The following TMEM132C variants were observed in gnomAD, a reference collection of about 807,000 sequenced individuals.
TMEM132C encodes the protein transmembrane protein 132C, also known as protein phosphatase 1, regulatory subunit 152.
TMEM132C carries 29 observed loss-of-function variants against 61.4 expected under a neutral mutation model. That is an observed-to-expected ratio of 0.47 (90% CI 0.35 to 0.64). The LOEUF (loss-of-function observed/expected upper bound fraction) is 0.64, where lower values mean the gene tolerates loss of function less well. Ranked by LOEUF, TMEM132C falls within the 30% of genes least tolerant of loss-of-function variation. The pLI is 0.00. For synonymous variants in TMEM132C, 656 were observed against 633.1 expected, an observed-to-expected ratio of 1.04 and a Z score of -0.54; for missense variants, 1,408 against 1,476.9, an observed-to-expected ratio of 0.95 and a Z score of 0.76.
intron 2 of TMEM132C, among the ~76,000 whole-genome samples, chr12:128,494,061 G>T (rs1302191926): frequency 6.6e-6 from 1 of 152,148 alleles, no homozygotes; most frequent in African/African-American, 2.4e-5. Flanking sequence ...TAGCATGAAG[G>T]GCTGTTGAAT....
At chr12:128,552,246 C>T (rs1874199398) in intron 3 of TMEM132C, among the ~76,000 whole-genome samples, 1 of 152,216 alleles carries the variant, frequency 6.6e-6, no homozygotes, top group South Asian at 2.1e-4. Flanking sequence ...ACATCTCTTC[C>T]AGAAGCAAAT....
chr12:128,389,129 T>G (rs539396255), intron 1 of TMEM132C, among the ~76,000 whole-genome samples: 11 of 152,324 alleles, frequency 7.2e-5, no homozygotes, highest in Non-Finnish European at 1.5e-4. Flanking sequence ...CGGTGCTAAC[T>G]CCTTTACTTT....
intron 2 of TMEM132C, among the ~76,000 whole-genome samples, chr12:128,511,990 C>T (rs1872578946): frequency 6.6e-6 from 1 of 152,194 alleles, no homozygotes; most frequent in Non-Finnish European, 1.5e-5. Flanking sequence ...TCTGGCCTGA[C>T]ACTCCCAAGG....
chr12:128,636,847 T>C (rs1954108372), intron 4 of TMEM132C, among the ~76,000 whole-genome samples: 1 of 152,100 alleles, frequency 6.6e-6, no homozygotes, highest in African/African-American at 2.4e-5. Context: ...CACCTATGAA[T>C]GGAATCATGC....
chr12:128,643,571 C>T (rs900644209), intron 4 of TMEM132C, among the ~76,000 whole-genome samples: 17 of 151,674 alleles, frequency 1.1e-4, no homozygotes, highest in African/African-American at 3.4e-4. Context: ...TCTCAGTATT[C>T]GGACACTGTA....
intron 3 of TMEM132C, among the ~76,000 whole-genome samples, chr12:128,565,744 A>G (rs56083138): frequency 0.039 from 5,949 of 152,238 alleles, 188 homozygotes; most frequent in Non-Finnish European, 0.061. Context: ...TCTATCTCCA[A>G]AATGCTATAT....
intron 4 of TMEM132C, among the ~76,000 whole-genome samples, chr12:128,653,916 A>G (rs1360312233): frequency 6.6e-6 from 1 of 152,178 alleles, no homozygotes; most frequent in East Asian, 1.9e-4. Flanking sequence ...GAAGGGCGGG[A>G]ATCCAAGCCC....
At position 128,415,896 on chromosome 12, in the gene TMEM132C, A is replaced by T. The variant is rs544243322; in HGVS notation, c.974+276A>T. 6.6e-6 allele frequency among the ~76,000 whole-genome samples: 1 copy of T among 152,244 alleles called. No individual in the cohort carries two copies. The highest frequency in any genetic ancestry group is 2.4e-5 in the African/African-American group (1 of 41,562). Reference sequence around the variant, plus strand: ...AATCCGCCTCTCTAGACCTTCAGTTATCCTCACACTTGGAGAGGGATGTGA... The same window carrying T: ...AATCCGCCTCTCTAGACCTTCAGTTTTCCTCACACTTGGAGAGGGATGTGA... On this transcript the variant is annotated intron_variant, in intron 2 of 8. Coordinates refer to ENST00000435159, the MANE Select transcript of TMEM132C (RefSeq NM_001136103.3). The surrounding 1 kb of genome is among the most constrained non-coding windows in gnomAD (Gnocchi z 5.8).
At chr12:128,686,623 C>T (rs1385216012) in intron 5 of TMEM132C, among the ~76,000 whole-genome samples, 2 of 152,046 alleles carry the variant, frequency 1.3e-5, no homozygotes, top group African/African-American at 4.8e-5. Context: ...CTGTGTAGGC[C>T]AAATGTGATG....
intron 3 of TMEM132C, among the ~76,000 whole-genome samples, chr12:128,587,580 G>C (rs1016212856): frequency 1.3e-5 from 2 of 152,202 alleles, no homozygotes; most frequent in African/African-American, 4.8e-5. Context: ...TGTGGATCAT[G>C]TACACAATGG....
intron 1 of TMEM132C, among the ~76,000 whole-genome samples, chr12:128,271,286 A>C (rs1237975257): frequency 1.8e-5 from 2 of 113,608 alleles, no homozygotes; most frequent in South Asian, 2.9e-4. Flanking sequence ...AATAATAATA[A>C]TAATAATAAT....
At chr12:128,597,971 A>T (rs1876033088) in intron 3 of TMEM132C, among the ~76,000 whole-genome samples, 16 of 152,224 alleles carry the variant, frequency 1.1e-4, no homozygotes, top group Admixed American at 1.0e-3. Flanking sequence ...GAGGGAAAGC[A>T]AAGGCTGAGA....
intron 1 of TMEM132C, among the ~76,000 whole-genome samples, chr12:128,323,678 A>G (rs557483150): frequency 6.6e-6 from 1 of 152,120 alleles, no homozygotes; most frequent in Non-Finnish European, 1.5e-5. Flanking sequence ...AGTGTGGATC[A>G]GGAACCAGCG....
chr12:128,516,099 CACA>C (rs1458355543), intron 2 of TMEM132C, among the ~76,000 whole-genome samples: 4 of 152,114 alleles, frequency 2.6e-5, no homozygotes, highest in African/African-American at 9.7e-5. Flanking sequence ...GGCCTGATGC[CACA>C]ACAAGTAGGG....
At chr12:128,525,656 C>T (rs1873062098) in intron 2 of TMEM132C, among the ~76,000 whole-genome samples, 1 of 152,110 alleles carries the variant, frequency 6.6e-6, no homozygotes, top group South Asian at 2.1e-4. Flanking sequence ...GCTTCTAGAA[C>T]CCATCGGCCT....
At chr12:128,541,970 G>T (rs953687154) in intron 2 of TMEM132C, among the ~76,000 whole-genome samples, 1 of 152,162 alleles carries the variant, frequency 6.6e-6, no homozygotes, top group African/African-American at 2.4e-5. Context: ...TTCCCCACTC[G>T]CCCTGATACC....
chr12:128,528,382 CTCATAAAAA>C (rs1873167755), intron 2 of TMEM132C, among the ~76,000 whole-genome samples: 2 of 152,176 alleles, frequency 1.3e-5, no homozygotes, highest in African/African-American at 2.4e-5. Context: ...GTAAGGCAAG[CTCATAAAAA>C]TTCTTCACTG....
intron 1 of TMEM132C, among the ~76,000 whole-genome samples, chr12:128,340,906 CTCTCTCTCTT>C (rs1427129308): frequency 8.6e-6 from 1 of 116,080 alleles, no homozygotes; most frequent in East Asian, 2.4e-4. Flanking sequence ...TTCTCTCTTT[CTCTCTCTCTT>C]TCTCTCTCTC....
intron 3 of TMEM132C, among the ~76,000 whole-genome samples, chr12:128,562,276 G>C (rs1053975621): frequency 6.6e-6 from 1 of 152,202 alleles, no homozygotes; most frequent in African/African-American, 2.4e-5. Context: ...GGTACGAAAA[G>C]AGACAGTCTC....
Sources: gnomAD v4.1 joint callset for allele counts (sites outside exome capture counted in the v4.1 genomes callset) on GRCh38, gnomAD v4.1.1 for gene constraint, Gnocchi (gnomAD v3.1) non-coding constraint, MANE v1.5 for transcripts, NCBI Gene and HGNC (gene_info 2026-07-23, HGNC 2026-07-21) for gene names.